The following EARS2 variants were observed in gnomAD, a reference collection of about 807,000 sequenced individuals.
The protein encoded by EARS2 is nondiscriminating glutamyl-tRNA synthetase EARS2, mitochondrial.
Under a neutral mutation model 54.1 loss-of-function variants are expected in EARS2, and 50 were observed. That is an observed-to-expected ratio of 0.92 (90% confidence interval 0.74 to 1.17). EARS2 has a LOEUF of 1.17. Ranked by LOEUF, EARS2 falls within the 50% of genes most tolerant of loss-of-function variation. EARS2 has a pLI of 0.00. For missense variants in EARS2, 673 were observed against 675.0 expected (o/e 1.00, Z 0.03); for synonymous variants, 298 against 281.0 (o/e 1.06, Z -0.61).
chr16:23,551,992 A>T (rs574751897), intron 2 of EARS2, among the ~76,000 whole-genome samples, 157 bp downstream of exon 2: 1 of 152,178 alleles, frequency 6.6e-6, no homozygotes, highest in Non-Finnish European at 1.5e-5. Context: ...GCATTTTTTC[A>T]GGTGTCATCT....
chr16:23,544,726 A>C (rs1295483122), intron 2 of EARS2, 23 bp from the exon 3 acceptor site: 3 of 1,579,838 alleles, frequency 1.9e-6, no homozygotes, highest in Non-Finnish European at 2.6e-6. Flanking sequence ...GAATAATGAC[A>C]GCTAAGGTGC....
At chr16:23,541,291 C>T (rs1164709800) in intron 3 of EARS2, among the ~76,000 whole-genome samples, 3 of 152,166 alleles carry the variant, frequency 2.0e-5, no homozygotes, top group Non-Finnish European at 2.9e-5. Context: ...CTTGCCACTG[C>T]ACTCCAGCCT....
Position 23,532,696 on chromosome 16 carries a change from G to A in EARS2, c.1028C>T (p.Ser343Leu). The change falls in exon 5 of 9, where the codon TCA (serine) becomes TTA (leucine). Residue 343 changes from serine (S) to leucine (L), a missense_variant. Around this residue, in one of 3 missense-constraint regions of EARS2, gnomAD observed 338 missense variants for 361.2 expected, o/e 0.94. Transcript: ENST00000449606. The stretch of plus-strand genomic sequence containing the variant: ...GAGCTTCTCCAGGTCCAGCAGGGCT[G>A]AGTGACAGGTGACCTGTGTCAGGTT... ...QFNLTQVTCH[S>L]ALLDLEKLPE... The A allele has an allele frequency of 1.2e-6, 2 of 1,614,132 alleles. No individual in the cohort carries two copies. The highest frequency in any genetic ancestry group is 1.7e-6 in the Non-Finnish European group (2 of 1,179,998).
At chr16:23,551,639 G>A (rs545882215) in intron 2 of EARS2, among the ~76,000 whole-genome samples, 24 of 152,166 alleles carry the variant, frequency 1.6e-4, no homozygotes, top group Non-Finnish European at 3.2e-4. Flanking sequence ...AAGAAACCAA[G>A]TTGGGCGCGG....
intron 2 of EARS2, among the ~76,000 whole-genome samples, chr16:23,547,948 T>C (rs1965631247): frequency 1.3e-5 from 2 of 151,674 alleles, no homozygotes; most frequent in African/African-American, 2.4e-5. Flanking sequence ...ATAATAATAA[T>C]AGCCAGGCGC....
chr16:23,555,386 G>T (rs1208545864), intron 1 of EARS2, among the ~76,000 whole-genome samples: 1 of 152,188 alleles, frequency 6.6e-6, no homozygotes, highest in Non-Finnish European at 1.5e-5. Flanking sequence ...TACTCGGGAG[G>T]TTGAGGTGGG....
chr16:23,547,290 G>C (rs972349414), intron 2 of EARS2, among the ~76,000 whole-genome samples: 26 of 152,310 alleles, frequency 1.7e-4, no homozygotes, highest in African/African-American at 6.3e-4. Context: ...GAAACGTCCA[G>C]AAGAGGCAAA....
chr16:23,529,612 C>T lies in EARS2; in HGVS notation c.1242G>A (p.Gln414=). The change falls in exon 7 of 9, where the codon CAG becomes CAA. Residue 414 remains glutamine (Q), a synonymous_variant. Coordinates refer to ENST00000449606, the MANE Select transcript of EARS2 (RefSeq NM_001083614.2). ...LLRQGHICRL[Q]DLVSPVYSYL... ...AAGAGTATACTGGGGACACCAAGTC[C>T]TGCAGGCGGCAAATGTGACCCTGGG... is the stretch of plus-strand genomic sequence containing the variant. 6.2e-7 allele frequency: 1 copy of T among 1,614,136 alleles called. No individual in the cohort carries two copies. The highest frequency in any genetic ancestry group is 8.5e-7 in the Non-Finnish European group (1 of 1,179,990).
In EARS2 at chr16:23,527,050, A is replaced by T. The variant is rs149786047; in HGVS notation, c.1353-1671T>A. Among the ~76,000 whole-genome samples, 129 of 152,002 alleles carry T rather than the reference A, an allele frequency of 8.5e-4. 2 individuals are homozygous for T. In the East Asian group the frequency reaches 0.019, roughly 23 times the overall value. ...CAATCACAGCTCACTGCAGCCTCAA[A>T]CTCCTGGGCTCAAACGATCCTCCCA... On this transcript the variant is annotated intron_variant, in intron 7 of 8. Coordinates refer to ENST00000449606, the MANE Select transcript of EARS2 (RefSeq NM_001083614.2).
At chr16:23,534,398 T>G (rs1267920345) in intron 4 of EARS2, among the ~76,000 whole-genome samples, 1 of 152,232 alleles carries the variant, frequency 6.6e-6, no homozygotes. Flanking sequence ...GGGTAAGTGC[T>G]CAGCTTGAAA....
chr16:23,537,100 G>A, intron 3 of EARS2: 1 of 265,396 alleles, frequency 3.8e-6, no homozygotes, highest in Non-Finnish European at 8.3e-6. Context: ...AGCTCTTCTG[G>A]CAGGAATTCT....
At chr16:23,547,335 G>A (rs1196477741) in intron 2 of EARS2, among the ~76,000 whole-genome samples, 1 of 152,186 alleles carries the variant, frequency 6.6e-6, no homozygotes, top group Non-Finnish European at 1.5e-5. Context: ...TAGTTGCCAG[G>A]TGGTAGGAGA....
intron 1 of EARS2, among the ~76,000 whole-genome samples, chr16:23,552,768 G>T (rs1965717527): frequency 6.6e-6 from 1 of 152,202 alleles, no homozygotes; most frequent in South Asian, 2.1e-4. Context: ...TGGGATCACA[G>T]GCAAGAGCCA....
chr16:23,534,880 G>A lies in EARS2; in HGVS notation c.958+8C>T, dbSNP rs1404936325. The A allele has an allele frequency of 6.4e-7, 1 of 1,561,068 alleles. No individual in the cohort carries two copies. Among genetic ancestry groups the A allele is most frequent in the East Asian group, 2.3e-5 (1 of 44,364 alleles). Reference sequence around the variant, plus strand: ...TCTGCTGCCAGGACTATTCAGGTGGGCACGTACCTGCAAAACCTGAGCCAC... The same window carrying A: ...TCTGCTGCCAGGACTATTCAGGTGGACACGTACCTGCAAAACCTGAGCCAC... On this transcript the variant is annotated splice_region_variant and intron_variant, in intron 4 of 8. Transcript: ENST00000449606.
At chr16:23,551,184 C>T (rs1567390648) in intron 2 of EARS2, among the ~76,000 whole-genome samples, 1 of 152,254 alleles carries the variant, frequency 6.6e-6, no homozygotes, top group Admixed American at 6.5e-5. Flanking sequence ...GGAGCTGGAG[C>T]TCAGAGGCAC....
Position 23,552,290 on chromosome 16 carries a change from C to G in EARS2, c.154G>C (p.Gly52Arg). The G allele has an allele frequency of 3.1e-6, 5 of 1,614,114 alleles. No individual in the cohort carries two copies. The highest frequency in any genetic ancestry group is 4.2e-6 in the Non-Finnish European group (5 of 1,179,986). ...APSPTGFLHL[G>R]GLRTALYNYI... Reference sequence around the variant, plus strand: ...TTGTACAAGGCAGTGCGGAGGCCACCCAGGTGCAAGAAGCCTGGAGAAGAG... The same window carrying G: ...TTGTACAAGGCAGTGCGGAGGCCACGCAGGTGCAAGAAGCCTGGAGAAGAG... The change falls in exon 2 of 9, where the codon GGT becomes CGT. Residue 52 changes from glycine to arginine, a missense_variant. By Grantham distance (125) the Gly-to-Arg change is moderately radical (BLOSUM62 -2). This residue lies in a region of EARS2 where 316 missense variants were observed against 275.2 expected (regional missense o/e 1.15). Coordinates refer to ENST00000449606, the MANE Select transcript of EARS2 (RefSeq NM_001083614.2).
chr16:23,535,463 C>T (rs1203756688), intron 3 of EARS2, 103 bp from the exon 4 acceptor site: 1 of 1,005,608 alleles, frequency 9.9e-7, no homozygotes, highest in Admixed American at 2.3e-5. Flanking sequence ...TCAGTTACTG[C>T]TGCAAGCTGC....
At chr16:23,549,084 G>A (rs1326421538) in intron 2 of EARS2, among the ~76,000 whole-genome samples, 1 of 152,100 alleles carries the variant, frequency 6.6e-6, no homozygotes, top group Non-Finnish European at 1.5e-5. Flanking sequence ...TGCGGGTGAC[G>A]GGAATAAAAG....
In EARS2 at chr16:23,551,863, T is replaced by C. The variant is rs28396503; in HGVS notation, c.295+286A>G. 0.082 allele frequency among the ~76,000 whole-genome samples: 12,455 copies of C among 152,144 alleles called. 902 individuals carry two copies. Among genetic ancestry groups the C allele is most frequent in the African/African-American group, 0.19 (7,889 of 41,466 alleles). On this transcript the variant is annotated intron_variant, in intron 2 of 8. Coordinates refer to ENST00000449606, the MANE Select transcript of EARS2 (RefSeq NM_001083614.2). ...TGAACCCGGAAGGCGGAGCTTGCAG[T>C]GAGCCGAGATCGCACCACTGCACTC...
Sources: gnomAD v4.1 joint callset for allele counts (sites outside exome capture counted in the v4.1 genomes callset) on GRCh38, gnomAD v4.1.1 for gene constraint, gnomAD v4.1.1 regional missense constraint, MANE v1.5 for transcripts, NCBI Gene and HGNC (gene_info 2026-07-23, HGNC 2026-07-21) for gene names.